Variants in PADI4 observed in about 807,000 individuals in gnomAD.
The protein encoded by PADI4 is protein-arginine deiminase type-4.
Under a neutral mutation model 75.0 loss-of-function variants are expected in PADI4, and 62 were observed. That is an observed-to-expected ratio of 0.83 (90% CI 0.67 to 1.02). The LOEUF (loss-of-function observed/expected upper bound fraction) is 1.02. PADI4 is among the 50% of genes least tolerant of loss of function. The pLI is 0.00. For missense variants in PADI4, 845 were observed against 850.5 expected (o/e 0.99, Z 0.08); for synonymous variants, 361 against 348.1 (o/e 1.04, Z -0.41).
chr1:17,354,629 G>T lies in PADI4; in HGVS notation c.1252G>T (p.Val418Phe). The change falls in exon 11 of 16, where the codon GTC becomes TTC. Residue 418 changes from valine (V) to phenylalanine (F), a missense_variant. Physicochemically the swap from Val to Phe is conservative, Grantham distance 50 (BLOSUM62 -1). Coordinates refer to ENST00000375448, the MANE Select transcript of PADI4 (RefSeq NM_012387.3). ...CCTGGAAGTGAGCCCCCCAGTCACA[G>T]TCAGGGGCAAGGAATACCCGCTGGG... ...GNLEVSPPVT[V>F]RGKEYPLGRI... The T allele has an allele frequency of 6.2e-7, 1 of 1,614,116 alleles. No individual in the cohort carries two copies. Among genetic ancestry groups the T allele is most frequent in the Non-Finnish European group, 8.5e-7 (1 of 1,179,994 alleles).
rs570048427 is a variant in PADI4 at position 17,341,224 on chromosome 1, G to A, written c.653-719G>A. Among the ~76,000 whole-genome samples the A allele has an allele frequency of 9.9e-5, 15 of 151,232 alleles. No individual in the cohort carries two copies. The South Asian group carries it at 1.3e-3, about 13-fold the overall frequency. On this transcript the variant is annotated intron_variant, in intron 6 of 15. Transcript: ENST00000375448. ...AGCAATTCTCCTGCCTCAGCCTCCC[G>A]AGTAGCTGTGATTATAGGCATCCAC...
chr1:17,326,646 C>T (rs1340211465), intron 1 of PADI4, among the ~76,000 whole-genome samples: 2 of 152,134 alleles, frequency 1.3e-5, no homozygotes, highest in Non-Finnish European at 2.9e-5. Flanking sequence ...TACATAGTCA[C>T]TTTTTTAAAT....
At chr1:17,351,023 CA>C (rs35025070) in intron 10 of PADI4, among the ~76,000 whole-genome samples, 31,521 of 84,070 alleles carry the variant, frequency 0.37, 8,294 homozygotes, top group Non-Finnish European at 0.45. Context: ...CTTGTCCCTA[CA>C]AAAAAAAAAA....
chr1:17,343,795 G>A (rs1221455840), intron 8 of PADI4, among the ~76,000 whole-genome samples: 2 of 152,124 alleles, frequency 1.3e-5, no homozygotes, highest in African/African-American at 4.8e-5. Context: ...TCCCACCATG[G>A]TGTCCCCAGC....
At chr1:17,311,268 A>G (rs2073822113) in intron 1 of PADI4, among the ~76,000 whole-genome samples, 1 of 151,982 alleles carries the variant, frequency 6.6e-6, no homozygotes, top group South Asian at 2.1e-4. Flanking sequence ...GTCTCAAAAA[A>G]AAAAAAGTTA....
At chr1:17,317,520 C>T (rs977391912) in intron 1 of PADI4, among the ~76,000 whole-genome samples, 5 of 151,958 alleles carry the variant, frequency 3.3e-5, no homozygotes, top group South Asian at 2.1e-4. Context: ...CCGCCCGTCT[C>T]GGCCTCCCAA....
At chr1:17,318,746 C>T (rs1246682066) in intron 1 of PADI4, among the ~76,000 whole-genome samples, 2 of 148,296 alleles carry the variant, frequency 1.3e-5, no homozygotes, top group Non-Finnish European at 3.0e-5. Flanking sequence ...AGTGCAGTGG[C>T]GCGATCTTGG....
At chr1:17,330,133 C>T (rs959443110) in intron 1 of PADI4, among the ~76,000 whole-genome samples, 10 of 152,176 alleles carry the variant, frequency 6.6e-5, no homozygotes, top group African/African-American at 2.4e-4. Flanking sequence ...CCCTCCATGC[C>T]TACATCTGTG....
chr1:17,356,458 G>A lies in PADI4; in HGVS notation c.1557G>A (p.Lys519=). Residue 519 remains lysine, a splice_region_variant and synonymous_variant, in exon 13 of 16, where the codon AAG becomes AAA. Coordinates refer to ENST00000375448, the MANE Select transcript of PADI4 (RefSeq NM_012387.3). This position sits in a 1 kb window ranked among gnomAD's most constrained non-coding sequence, Gnocchi z 4.1. ...AGGCCCTGCTGTTCGAAGGGATCAA[G>A]AGTAAGTCGGCCCTGCCTTGTTCTC... is the stretch of plus-strand genomic sequence containing the variant. ...HGEALLFEGI[K]KKKQQKIKNI... 1 of 1,583,226 alleles carries A rather than the reference G, an allele frequency of 6.3e-7. No homozygotes were observed. Among genetic ancestry groups the A allele is most frequent in the Non-Finnish European group, 8.7e-7 (1 of 1,152,850 alleles).
rs1279351186 is a variant in PADI4 at position 17,356,575 on chromosome 1, C to T, written c.1558+116C>T. 1 of 658,072 alleles carries T rather than the reference C, an allele frequency of 1.5e-6. No homozygotes were observed. Among genetic ancestry groups the T allele is most frequent in the Non-Finnish European group, 2.7e-6 (1 of 366,420 alleles). The allele number at this position is 658,072 out of a possible 1,614,324, so 40.8% of individuals were successfully genotyped here. A position where few individuals can be genotyped will look rare whatever the true frequency, so the allele number is the denominator to read the frequency against. ...GTAGCATCTGAGCACCTACTGTGCG[C>T]CAGGCACTGTGCCAAGTGCTAGGGA... On this transcript the variant is annotated intron_variant, in intron 13 of 15. Coordinates refer to ENST00000375448, the MANE Select transcript of PADI4 (RefSeq NM_012387.3). This position sits in a 1 kb window ranked among gnomAD's most constrained non-coding sequence, Gnocchi z 4.1.
chr1:17,323,137 A>C (rs1462768130), intron 1 of PADI4, among the ~76,000 whole-genome samples: 1 of 152,190 alleles, frequency 6.6e-6, no homozygotes, highest in Non-Finnish European at 1.5e-5. Context: ...TTGGAACCTC[A>C]GTTCCTCCCT....
chr1:17,323,167 C>A (rs928002191), intron 1 of PADI4, among the ~76,000 whole-genome samples: 2 of 152,162 alleles, frequency 1.3e-5, no homozygotes, highest in Non-Finnish European at 2.9e-5. Context: ...CTGGAAGCCT[C>A]CCTCAGTTTC....
rs530385854 is a variant in PADI4 at position 17,320,722 on chromosome 1, G to A, written c.93-10247G>A. Among the ~76,000 whole-genome samples the A allele has an allele frequency of 1.9e-3, 294 of 152,252 alleles. 2 individuals are homozygous for A. Among genetic ancestry groups the A allele is most frequent in the African/African-American group, 6.7e-3 (278 of 41,530 alleles). ...ATCGTCTTGGTTTTGGTGGGGTTTG[G>A]CCAGCTTCTTTACTGTCACCTGTTT... On this transcript the variant is annotated intron_variant, in intron 1 of 15. Coordinates refer to ENST00000375448, the MANE Select transcript of PADI4 (RefSeq NM_012387.3).
Position 17,342,363 on chromosome 1 carries a change from C to A in PADI4, c.896C>A (p.Thr299Asn). Residue 299 changes from threonine to asparagine, a missense_variant, in exon 8 of 16, where the codon ACC (threonine) becomes AAC (asparagine). Coordinates refer to ENST00000375448, the MANE Select transcript of PADI4 (RefSeq NM_012387.3). ...VVFRVAPWIM[T>N]PNTQPPQEVY... is the part of the protein sequence containing the mutation. ...TTCCGCGTGGCGCCCTGGATCATGA[C>A]CCCCAACACCCAGCCCCCGCAGGAG... is the stretch of plus-strand genomic sequence containing the variant. 3.1e-6 allele frequency: 5 copies of A among 1,613,732 alleles called. No homozygotes were observed. The highest frequency in any genetic ancestry group is 1.7e-4 in the Middle Eastern group (1 of 6,054).
At chr1:17,343,122 G>A (rs890488677) in intron 8 of PADI4, among the ~76,000 whole-genome samples, 2 of 152,242 alleles carry the variant, frequency 1.3e-5, no homozygotes, top group Non-Finnish European at 2.9e-5. Flanking sequence ...AGGAGGCCAA[G>A]GTTGCAGTGA....
chr1:17,346,193 T>C lies in PADI4; in HGVS notation c.1047+54T>C, dbSNP rs1182895751. 28 of 1,204,100 alleles carry C rather than the reference T, an allele frequency of 2.3e-5. No homozygotes were observed. The highest frequency in any genetic ancestry group is 5.4e-5 in the Admixed American group (3 of 55,290). The allele number at this position is 1,204,100 out of a possible 1,614,324, so 74.6% of individuals were successfully genotyped here. On this transcript the variant is annotated intron_variant, in intron 9 of 15. Transcript: ENST00000375448. The surrounding 1 kb of genome is among the most constrained non-coding windows in gnomAD (Gnocchi z 4.3). ...ACTGTCCCTGAGGGCCAAGAGACAC[T>C]TGGGGGACCCGGGCTCCTGGGGTTC... is the stretch of plus-strand genomic sequence containing the variant.
In PADI4 at chr1:17,314,143, G is replaced by A. The variant is rs138145226; in HGVS notation, c.92+5829G>A. ...CACATGGGACAGAGGGGGCTGAGGC[G>A]GACCTAGCCCCTCGGTCCACCTGCT... On this transcript the variant is annotated intron_variant, in intron 1 of 15. Coordinates refer to ENST00000375448, the MANE Select transcript of PADI4 (RefSeq NM_012387.3). Among the ~76,000 whole-genome samples the A allele has an allele frequency of 2.9e-3, 440 of 152,210 alleles. 4 individuals are homozygous for A. The highest frequency in any genetic ancestry group is 0.025 in the South Asian group (120 of 4,826).
chr1:17,336,199 G>A lies in PADI4; in HGVS notation c.381G>A (p.Val127=). 1 of 1,613,818 alleles carries A rather than the reference G, an allele frequency of 6.2e-7. No homozygotes were observed. The highest frequency in any genetic ancestry group is 1.7e-5 in the Admixed American group (1 of 60,016). ...CAGACATCACCCGCACCGGCAAAGTGAAGCCAACCAGAGCTGTGAAAGATC... is the reference window on the plus strand; with the variant it reads ...CAGACATCACCCGCACCGGCAAAGTAAAGCCAACCAGAGCTGTGAAAGATC... ...LCADITRTGK[V]KPTRAVKDQR... is the part of the protein sequence containing the mutation. Residue 127 remains valine, a synonymous_variant, in exon 4 of 16, where the codon GTG becomes GTA. Transcript: ENST00000375448.
chr1:17,340,372 G>T (rs560593299), intron 6 of PADI4, among the ~76,000 whole-genome samples: 1 of 152,290 alleles, frequency 6.6e-6, no homozygotes, highest in East Asian at 1.9e-4. Context: ...ATGCGGCAGG[G>T]AAGGGGATGT....
Sources: allele counts gnomAD v4.1 joint callset (sites outside exome capture counted in the v4.1 genomes callset), GRCh38; gene constraint gnomAD v4.1.1; non-coding constraint Gnocchi (gnomAD v3.1); transcripts MANE v1.5; gene names NCBI Gene and HGNC (gene_info 2026-07-23, HGNC 2026-07-21).